EDIL3: variants seen among roughly 807,000 people sequenced by gnomAD.
The protein encoded by EDIL3 is EGF like and discoidin domains 3.
Under a neutral mutation model 67.4 loss-of-function variants are expected in EDIL3, and 37 were observed. The ratio of observed to expected loss-of-function variants is 0.55; its 90% CI spans 0.42 to 0.72. EDIL3 has a LOEUF of 0.72. Among genes scored for constraint, EDIL3 ranks in the 30% least tolerant of loss-of-function variants. EDIL3 has a pLI of 0.00. For missense variants in EDIL3, 527 were observed against 586.3 expected (o/e 0.90, Z 1.04); for synonymous variants, 195 against 196.3 (o/e 0.99, Z 0.05).
chr5:84,099,219 C>T (rs1026508853), intron 6 of EDIL3, among the ~76,000 whole-genome samples: 1 of 152,050 alleles, frequency 6.6e-6, no homozygotes, highest in African/African-American at 2.4e-5. Flanking sequence ...CAAGCTACCA[C>T]TGACTTTCTT....
intron 1 of EDIL3, among the ~76,000 whole-genome samples, chr5:84,315,205 G>A (rs1440829025): frequency 1.3e-5 from 2 of 152,112 alleles, no homozygotes; most frequent in African/African-American, 2.4e-5. Flanking sequence ...GCACTTTGCT[G>A]CTTAGCTTAT....
chr5:84,356,618 C>A (rs936557103), intron 1 of EDIL3, among the ~76,000 whole-genome samples: 1 of 151,914 alleles, frequency 6.6e-6, no homozygotes, highest in Non-Finnish European at 1.5e-5. Context: ...GATAATCTCC[C>A]CATTTCAAGA....
intron 6 of EDIL3, among the ~76,000 whole-genome samples, chr5:84,085,723 T>C (rs989209854): frequency 1.3e-5 from 2 of 152,154 alleles, no homozygotes; most frequent in African/African-American, 4.8e-5. Context: ...AGAATCCCCC[T>C]TGTCAGGATC....
intron 9 of EDIL3, among the ~76,000 whole-genome samples, chr5:84,043,198 T>C (rs1392577644): frequency 6.6e-6 from 1 of 152,198 alleles, no homozygotes; most frequent in African/African-American, 2.4e-5. Flanking sequence ...AGGAACTGTT[T>C]CTCAGAAAGT....
At chr5:84,336,184 G>A (rs1282345262) in intron 1 of EDIL3, among the ~76,000 whole-genome samples, 4 of 152,160 alleles carry the variant, frequency 2.6e-5, no homozygotes, top group Non-Finnish European at 5.9e-5. Flanking sequence ...AGAGAACATA[G>A]AAGGTGAGTA....
intron 1 of EDIL3, among the ~76,000 whole-genome samples, chr5:84,345,379 G>A (rs1353854295): frequency 6.6e-6 from 1 of 151,758 alleles, no homozygotes; most frequent in East Asian, 1.9e-4. Flanking sequence ...GTTTATAGTG[G>A]GTAAAAATAA....
chr5:84,184,703 T>C (rs1406494959), intron 3 of EDIL3, among the ~76,000 whole-genome samples: 1 of 152,022 alleles, frequency 6.6e-6, no homozygotes, highest in Non-Finnish European at 1.5e-5. Flanking sequence ...GAAGATAGAG[T>C]GAACAGCGGT....
chr5:84,056,111 C>T (rs1746441230), intron 9 of EDIL3, among the ~76,000 whole-genome samples: 1 of 151,962 alleles, frequency 6.6e-6, no homozygotes. Flanking sequence ...ACATGGAATA[C>T]TAGGAATACA....
intron 4 of EDIL3, among the ~76,000 whole-genome samples, chr5:84,142,830 C>A (rs1468206651): frequency 5.6e-5 from 8 of 144,076 alleles, no homozygotes; most frequent in Non-Finnish European, 1.1e-4. Context: ...CCCCCCCCCC[C>A]AAGCTTTTTT....
intron 4 of EDIL3, among the ~76,000 whole-genome samples, chr5:84,163,116 A>G (rs768030263): frequency 3.3e-5 from 5 of 152,138 alleles, no homozygotes; most frequent in Non-Finnish European, 5.9e-5. Context: ...AAAGTTGGGC[A>G]AGAAATTTGA....
intron 4 of EDIL3, among the ~76,000 whole-genome samples, chr5:84,139,855 G>C (rs1232857171): frequency 6.6e-6 from 1 of 152,116 alleles, no homozygotes; most frequent in Non-Finnish European, 1.5e-5. Context: ...TTCCAAGCAG[G>C]GAGCCAGAAT....
At chr5:84,073,626 A>T (rs552501932) in intron 6 of EDIL3, among the ~76,000 whole-genome samples, 1 of 152,210 alleles carries the variant, frequency 6.6e-6, no homozygotes, top group Admixed American at 6.5e-5. Flanking sequence ...AATACCTAGG[A>T]ATCCAACTTA....
chr5:83,955,468 GT>G (rs1224067801), intron 10 of EDIL3, among the ~76,000 whole-genome samples: 1 of 151,564 alleles, frequency 6.6e-6, no homozygotes, highest in African/African-American at 2.4e-5. Context: ...CTTTAAGGGA[GT>G]TTATCAAACT....
At chr5:84,021,195 CT>C (rs534223164) in intron 9 of EDIL3, among the ~76,000 whole-genome samples, 1,544 of 150,992 alleles carry the variant, frequency 0.01, 10 homozygotes, top group Non-Finnish European at 0.017. Context: ...TTTTGTGATC[CT>C]TTTTTTTCAA....
intron 4 of EDIL3, among the ~76,000 whole-genome samples, chr5:84,176,542 GT>G (rs1748919292): frequency 6.6e-6 from 1 of 151,206 alleles, no homozygotes; most frequent in Non-Finnish European, 1.5e-5. Context: ...ATGGGAAGGA[GT>G]TCTGGGAGTG....
chr5:84,310,988 T>G (rs1045067222), intron 1 of EDIL3, among the ~76,000 whole-genome samples: 2 of 148,186 alleles, frequency 1.3e-5, no homozygotes, highest in Admixed American at 6.7e-5. Context: ...ATCATGTCTG[T>G]TTTTTTTTTC....
chr5:84,330,758 G>T (rs949442717), intron 1 of EDIL3, among the ~76,000 whole-genome samples: 1 of 152,148 alleles, frequency 6.6e-6, no homozygotes, highest in Non-Finnish European at 1.5e-5. Context: ...CACCACCCTG[G>T]AAAGCAAGCA....
At chr5:84,142,828 C>CCCA (rs1554070059) in intron 4 of EDIL3, among the ~76,000 whole-genome samples, 1 of 146,220 alleles carries the variant, frequency 6.8e-6, no homozygotes, top group Non-Finnish European at 1.5e-5. Context: ...TGCCCCCCCC[C>CCCA]CCAAGCTTTT....
chr5:83,999,957 A>C (rs1413988773), intron 9 of EDIL3, among the ~76,000 whole-genome samples: 1 of 152,118 alleles, frequency 6.6e-6, no homozygotes, highest in Non-Finnish European at 1.5e-5. Flanking sequence ...TTTTCAGTGG[A>C]AACTTTACAG....
Sources: allele counts gnomAD v4.1 joint callset (sites outside exome capture counted in the v4.1 genomes callset), GRCh38; gene constraint gnomAD v4.1.1; transcripts MANE v1.5; gene names NCBI Gene and HGNC (gene_info 2026-07-23, HGNC 2026-07-21).